RIPOR2: variants seen among roughly 807,000 people sequenced by gnomAD.
The protein encoded by RIPOR2 is rho family-interacting cell polarization regulator 2.
Under a neutral mutation model 114.5 loss-of-function variants are expected in RIPOR2, and 39 were observed. That is an observed-to-expected ratio of 0.34 (90% confidence interval 0.26 to 0.44). RIPOR2 has a LOEUF of 0.44. Ranked by LOEUF, RIPOR2 falls within the 20% of genes least tolerant of loss-of-function variation. RIPOR2 has a pLI of 1.00. For missense variants in RIPOR2, 1,007 were observed against 1,255.1 expected, an observed-to-expected ratio of 0.80 and a Z score of 2.99; for synonymous variants, 445 against 484.4, an observed-to-expected ratio of 0.92 and a Z score of 1.07.
chr6:24,866,035 AT>A (rs1297669205), intron 6 of RIPOR2, among the ~76,000 whole-genome samples: 18 of 152,168 alleles, frequency 1.2e-4, no homozygotes, highest in Admixed American at 1.2e-3. Context: ...ACACATCCAG[AT>A]TTAGTATTTC....
intron 1 of RIPOR2, among the ~76,000 whole-genome samples, chr6:24,879,391 G>T (rs1026004988): frequency 6.6e-6 from 1 of 152,200 alleles, no homozygotes; most frequent in Non-Finnish European, 1.5e-5. Flanking sequence ...ATATGGAACT[G>T]ATGGCCACTA....
chr6:25,010,366 C>T (rs1227823028), intron 1 of RIPOR2, among the ~76,000 whole-genome samples: 2 of 152,088 alleles, frequency 1.3e-5, no homozygotes, highest in African/African-American at 4.8e-5. Context: ...GAGCTGGCAC[C>T]CCTTCACCTC....
rs2113710077 is a variant in RIPOR2 at position 24,839,079 on chromosome 6, C to T, written c.2039+12G>A. 1 of 1,548,486 alleles carries T rather than the reference C, an allele frequency of 6.5e-7. No individual in the cohort carries two copies. The highest frequency in any genetic ancestry group is 2.4e-5 in the East Asian group (1 of 40,890). On this transcript the variant is annotated intron_variant, in intron 14 of 21. Transcript: ENST00000643898. Reference sequence around the variant, plus strand: ...CAGGAGAAATATAAGGAGACACTAACTTCAGACTTACCTGTGTTTCTCAGT... The same window carrying T: ...CAGGAGAAATATAAGGAGACACTAATTTCAGACTTACCTGTGTTTCTCAGT...
intron 1 of RIPOR2, chr6:24,931,849 T>G (rs1771415063): frequency 6.6e-6 from 1 of 152,200 alleles, no homozygotes; most frequent in Admixed American, 6.5e-5. Flanking sequence ...AATTGCAGCT[T>G]TAACTTGTGC....
intron 1 of RIPOR2, among the ~76,000 whole-genome samples, chr6:25,036,828 C>T (rs147586166): frequency 6.6e-6 from 1 of 152,306 alleles, no homozygotes; most frequent in African/African-American, 2.4e-5. Flanking sequence ...ACAGGAGTCA[C>T]ACCCCTAGGG....
At chr6:24,997,966 A>G (rs2113638358) in intron 1 of RIPOR2, among the ~76,000 whole-genome samples, 1 of 152,268 alleles carries the variant, frequency 6.6e-6, no homozygotes, top group South Asian at 2.1e-4. Flanking sequence ...GCCACTAACT[A>G]AAGGGGAAAA....
intron 1 of RIPOR2, among the ~76,000 whole-genome samples, chr6:25,000,979 G>A (rs1309329742): frequency 6.6e-6 from 1 of 152,170 alleles, no homozygotes; most frequent in Non-Finnish European, 1.5e-5. Flanking sequence ...CAGGAAAGGG[G>A]CTGCGGACCT....
chr6:24,826,546 A>G (rs1278881946), intron 18 of RIPOR2, among the ~76,000 whole-genome samples: 1 of 151,756 alleles, frequency 6.6e-6, no homozygotes, highest in African/African-American at 2.4e-5. Flanking sequence ...TGCTCTATCA[A>G]TTTCACTGCT....
chr6:24,946,337 A>G (rs1202474633), intron 1 of RIPOR2, among the ~76,000 whole-genome samples: 1 of 152,174 alleles, frequency 6.6e-6, no homozygotes. Flanking sequence ...GGCCTCTCAA[A>G]GTGCTGGGAT....
chr6:24,885,994 C>T (rs1766798956), intron 1 of RIPOR2, among the ~76,000 whole-genome samples: 1 of 152,026 alleles, frequency 6.6e-6, no homozygotes, highest in South Asian at 2.1e-4. Context: ...GTCAATTTTA[C>T]AAAAAAGATT....
chr6:24,965,199 C>T (rs1340611392), intron 1 of RIPOR2, among the ~76,000 whole-genome samples: 1 of 151,862 alleles, frequency 6.6e-6, no homozygotes, highest in Non-Finnish European at 1.5e-5. Flanking sequence ...GGCTAGAGCA[C>T]AGTGGTACAA....
chr6:24,988,679 G>GTA (rs386406537), intron 1 of RIPOR2, among the ~76,000 whole-genome samples: 1 of 151,966 alleles, frequency 6.6e-6, no homozygotes, highest in Non-Finnish European at 1.5e-5. Context: ...TTGTGTGTGT[G>GTA]TGTGTGTGTG....
rs869301317 is a variant in RIPOR2, at chr6:25,015,896, G to GTTTTTTTTTTTTTTTTT, written c.76+25938_76+25954dup. ...TCCCCTTAAAAACGCAGGTTTTTTGGTTTTTTTTTTTTTTTTTTTTTTTTT... is the reference window on the plus strand; with the variant it reads ...TCCCCTTAAAAACGCAGGTTTTTTGGTTTTTTTTTTTTTTTTTTTTTTTTTTTTTTTTTTTTTTTTTT... On this transcript the variant is annotated intron_variant, in intron 1 of 13. Transcript: ENST00000510784. 45 of 45,854 alleles carry GTTTTTTTTTTTTTTTTT rather than the reference G, an allele frequency of 9.8e-4. 8 individuals carry two copies. The highest frequency in any genetic ancestry group is 2.6e-3 in the African/African-American group (36 of 14,086). 2.8% of individuals were successfully genotyped at this position (45,854 alleles called of 1,614,324 possible).
chr6:25,001,365 G>A (rs559791230), intron 1 of RIPOR2, among the ~76,000 whole-genome samples: 29 of 152,088 alleles, frequency 1.9e-4, no homozygotes, highest in Non-Finnish European at 3.4e-4. Flanking sequence ...TGGCTCACGC[G>A]TGTAATCCCA....
chr6:24,922,330 C>A (rs1215574553), intron 1 of RIPOR2, among the ~76,000 whole-genome samples: 2 of 152,152 alleles, frequency 1.3e-5, no homozygotes, highest in African/African-American at 4.8e-5. Flanking sequence ...GAATCCCATA[C>A]GTAACTCTCA....
intron 1 of RIPOR2, among the ~76,000 whole-genome samples, chr6:24,878,320 T>C (rs763122822): frequency 2.6e-5 from 4 of 152,214 alleles, no homozygotes; most frequent in Non-Finnish European, 5.9e-5. Context: ...GGTATCACTG[T>C]ATGCCATGCA....
Position 24,870,850 on chromosome 6 carries a change from C to T in RIPOR2, c.447+16G>A, listed in dbSNP as rs200891683. On this transcript the variant is annotated intron_variant, in intron 5 of 21. Transcript: ENST00000643898. ...TTTTTTTCTTATTAGCACCCCAACACGGAATGGCAACTTACCTTGTCTAGG... is the reference window on the plus strand; with the variant it reads ...TTTTTTTCTTATTAGCACCCCAACATGGAATGGCAACTTACCTTGTCTAGG... 6.9e-6 allele frequency: 11 copies of T among 1,600,270 alleles called. No homozygotes were observed. The highest frequency in any genetic ancestry group is 3.3e-5 in the South Asian group (3 of 89,680).
chr6:24,838,945 A>G (rs1761363692), intron 14 of RIPOR2, 146 bp downstream of exon 14: 9 of 603,512 alleles, frequency 1.5e-5, no homozygotes, highest in Non-Finnish European at 2.3e-5. Context: ...ACTTGACAAT[A>G]AAAAGGAACT....
intron 1 of RIPOR2, among the ~76,000 whole-genome samples, chr6:25,029,977 A>T (rs1776841492): frequency 6.6e-6 from 1 of 151,968 alleles, no homozygotes; most frequent in Admixed American, 6.6e-5. Context: ...GAGTGGGAGA[A>T]CTAGACAGCC....
Sources: allele counts gnomAD v4.1 joint callset (sites outside exome capture counted in the v4.1 genomes callset), GRCh38; gene constraint gnomAD v4.1.1; transcripts MANE v1.5; gene names NCBI Gene and HGNC (gene_info 2026-07-23, HGNC 2026-07-21).